CDH12: variants seen among roughly 807,000 people sequenced by gnomAD.
CDH12 encodes cadherin-12.
A neutral mutation model predicts 74.1 loss-of-function variants in CDH12; 41 were observed. The ratio of observed to expected loss-of-function variants is 0.55; its 90% CI spans 0.43 to 0.72. CDH12 has a LOEUF of 0.72. Among genes scored for constraint, CDH12 ranks in the 30% least tolerant of loss-of-function variants. The pLI is 0.00. For synonymous variants in CDH12, 399 were observed against 355.0 expected (o/e 1.12, Z -1.39); for missense variants, 945 against 977.2 (o/e 0.97, Z 0.44).
At position 22,253,902 on chromosome 5, in the gene CDH12, C is replaced by T. The variant is rs527576800; in HGVS notation, c.-332-41259G>A. ...TATTTTAAAGTAGTTTAAAGTTCAT[C>T]GAATGGAGCGAGTATGCCTGAAATG... On this transcript the variant is annotated intron_variant, in intron 3 of 14. Coordinates refer to ENST00000382254, the MANE Select transcript of CDH12 (RefSeq NM_004061.5). Among the ~76,000 whole-genome samples, 10 of 152,014 alleles carry T rather than the reference C, an allele frequency of 6.6e-5. No homozygotes were observed. In the East Asian group the frequency reaches 1.2e-3, roughly 18 times the overall value.
At chr5:22,425,993 C>T (rs1388653069) in intron 2 of CDH12, among the ~76,000 whole-genome samples, 1 of 151,680 alleles carries the variant, frequency 6.6e-6, no homozygotes, top group African/African-American at 2.4e-5. Context: ...TCGAGACCAC[C>T]CTGGCCAACA....
At chr5:22,273,420 A>G (rs1289844923) in intron 3 of CDH12, among the ~76,000 whole-genome samples, 1 of 152,204 alleles carries the variant, frequency 6.6e-6, no homozygotes, top group East Asian at 1.9e-4. Flanking sequence ...AAAGCAAAGC[A>G]CCATAAAATG....
intron 4 of CDH12, among the ~76,000 whole-genome samples, chr5:22,174,975 A>G (rs1749249494): frequency 6.6e-6 from 1 of 151,964 alleles, no homozygotes; most frequent in Admixed American, 6.6e-5. Flanking sequence ...AGTCTTCCAC[A>G]TTAATGTTAT....
chr5:22,363,277 A>C (rs2126311327), intron 3 of CDH12, among the ~76,000 whole-genome samples: 1 of 152,276 alleles, frequency 6.6e-6, no homozygotes, highest in Non-Finnish European at 1.5e-5. Flanking sequence ...CATTATGCAA[A>C]ACAAATGAAG....
At chr5:22,094,036 C>T (rs1440957293) in intron 4 of CDH12, among the ~76,000 whole-genome samples, 1 of 152,120 alleles carries the variant, frequency 6.6e-6, no homozygotes, top group African/African-American at 2.4e-5. Context: ...ACCACCTGGG[C>T]AGCATATAAA....
chr5:22,569,608 G>A (rs184217219), intron 1 of CDH12, among the ~76,000 whole-genome samples: 65 of 152,194 alleles, frequency 4.3e-4, no homozygotes, highest in East Asian at 3.1e-3. Context: ...CTTTGTTGTC[G>A]TTTCACAATG....
intron 3 of CDH12, among the ~76,000 whole-genome samples, chr5:22,341,462 T>C (rs1330082781): frequency 1.3e-5 from 2 of 152,000 alleles, no homozygotes; most frequent in African/African-American, 4.8e-5. Context: ...GACAGAGGGG[T>C]TGTGCTGGGC....
intron 10 of CDH12, among the ~76,000 whole-genome samples, chr5:21,789,970 A>T (rs969381697): frequency 6.6e-6 from 1 of 152,094 alleles, no homozygotes; most frequent in Non-Finnish European, 1.5e-5. Context: ...CTGCCTGTAT[A>T]ATAGTTACAT....
At chr5:22,529,188 TAG>T (rs374921601) in intron 1 of CDH12, among the ~76,000 whole-genome samples, 2,959 of 84,172 alleles carry the variant, frequency 0.035, 71 homozygotes, top group East Asian at 0.18. Flanking sequence ...TATATATATA[TAG>T]AGAGAGAGAG....
chr5:22,196,073 G>T (rs1580386813), intron 4 of CDH12, among the ~76,000 whole-genome samples: 2 of 151,462 alleles, frequency 1.3e-5, no homozygotes, highest in Admixed American at 6.6e-5. Context: ...AATAGTGTGT[G>T]TATATTACAG....
chr5:22,082,214 A>G (rs2150229372), intron 4 of CDH12, among the ~76,000 whole-genome samples: 1 of 152,312 alleles, frequency 6.6e-6, no homozygotes. Flanking sequence ...TATTCTTACC[A>G]TAGCAACCTC....
chr5:22,061,556 C>T (rs1161627708), intron 5 of CDH12, among the ~76,000 whole-genome samples: 2 of 152,092 alleles, frequency 1.3e-5, no homozygotes, highest in Non-Finnish European at 2.9e-5. Flanking sequence ...CTCTATTTTT[C>T]TGTGTTATCT....
chr5:21,763,863 T>G (rs1744858746), intron 12 of CDH12, among the ~76,000 whole-genome samples: 1 of 152,208 alleles, frequency 6.6e-6, no homozygotes, highest in East Asian at 1.9e-4. Flanking sequence ...CTTCACAGAA[T>G]AATATTAACT....
intron 4 of CDH12, among the ~76,000 whole-genome samples, chr5:22,117,650 G>A (rs189599026): frequency 7.5e-5 from 11 of 146,836 alleles, no homozygotes; most frequent in East Asian, 2.0e-4. Context: ...AATGTTATTC[G>A]CTTTAAATCT....
At chr5:22,001,846 T>C (rs903167912) in intron 5 of CDH12, among the ~76,000 whole-genome samples, 3 of 152,092 alleles carry the variant, frequency 2.0e-5, no homozygotes, top group Non-Finnish European at 2.9e-5. Flanking sequence ...GATTGAGAAA[T>C]TAAAAGGTCC....
At chr5:21,770,548 G>T (rs1745265109) in intron 11 of CDH12, among the ~76,000 whole-genome samples, 1 of 151,728 alleles carries the variant, frequency 6.6e-6, no homozygotes, top group Non-Finnish European at 1.5e-5. Flanking sequence ...AACCCGAGAG[G>T]TGGAGGTAAC....
chr5:22,566,096 G>T (rs1365326257), intron 1 of CDH12, among the ~76,000 whole-genome samples: 1 of 152,012 alleles, frequency 6.6e-6, no homozygotes, highest in East Asian at 1.9e-4. Flanking sequence ...TCTAAGACTA[G>T]ATTAATTACT....
intron 10 of CDH12, among the ~76,000 whole-genome samples, chr5:21,786,330 T>A: frequency 6.6e-6 from 1 of 152,200 alleles, no homozygotes. Flanking sequence ...ATTTTTGTAT[T>A]TTTAGTAGAG....
At chr5:21,829,313 AAAAACCAAAAACC>A (rs1400738768) in intron 8 of CDH12, among the ~76,000 whole-genome samples, 53 of 152,216 alleles carry the variant, frequency 3.5e-4, no homozygotes, top group Non-Finnish European at 6.3e-4. Context: ...AATAAAAAAC[AAAAACCAAAAACC>A]AAAAGCAAAA....
Sources: allele counts gnomAD v4.1 joint callset (sites outside exome capture counted in the v4.1 genomes callset), GRCh38; gene constraint gnomAD v4.1.1; transcripts MANE v1.5; gene names NCBI Gene and HGNC (gene_info 2026-07-23, HGNC 2026-07-21).